Variants in RCL1 observed in about 807,000 individuals in gnomAD.
The protein encoded by RCL1 is RNA terminal phosphate cyclase like 1.
Under a neutral mutation model 42.4 loss-of-function variants are expected in RCL1, and 24 were observed. The observed-to-expected ratio is 0.57, with a 90% CI of 0.41 to 0.80. The LOEUF (loss-of-function observed/expected upper bound fraction) is 0.80, where lower values mean the gene tolerates loss of function less well. Ranked by LOEUF, RCL1 falls within the 30% of genes least tolerant of loss-of-function variation. The pLI is 0.00. For missense variants in RCL1, 578 were observed against 467.9 expected (o/e 1.24, Z -2.17); for synonymous variants, 228 against 177.3 (o/e 1.29, Z -2.27).
At chr9:4,832,805 CAA>C (rs34915834) in intron 3 of RCL1, among the ~76,000 whole-genome samples, 872 of 39,234 alleles carry the variant, frequency 0.022, 10 homozygotes, top group African/African-American at 0.082. Flanking sequence ...AGATTCCACT[CAA>C]AAAAAAAAAA....
chr9:4,793,457 G>T (rs527618731), intron 1 of RCL1, among the ~76,000 whole-genome samples: 2 of 152,258 alleles, frequency 1.3e-5, no homozygotes, highest in South Asian at 2.1e-4. Flanking sequence ...CGTCTCCGGG[G>T]CGCTGGTAGT....
At chr9:4,828,720 T>A (rs895155322) in intron 3 of RCL1, among the ~76,000 whole-genome samples, 1 of 152,194 alleles carries the variant, frequency 6.6e-6, no homozygotes, top group African/African-American at 2.4e-5. Context: ...TTTTTTTCTA[T>A]ACTTGCTAAT....
Position 4,849,534 on chromosome 9 carries a change from CCT to C in RCL1, c.963_964del (p.Pro322LeufsTer18). 1 of 1,609,928 alleles carries C rather than the reference CCT, an allele frequency of 6.2e-7. No homozygotes were observed. Among genetic ancestry groups the C allele is most frequent in the Non-Finnish European group, 8.5e-7 (1 of 1,176,940 alleles). ...GGATGTTTCCAAAGTCCTGCTAGGC[CCT>C]CTCTCTCCCTACACGTAAGTTATTC... ...QQDVSKVLLG[P>X]LSPYTIEFLR... is the part of the protein sequence containing the mutation. On this transcript the variant is annotated frameshift_variant, in exon 8 of 9. Coordinates refer to ENST00000381750, the MANE Select transcript of RCL1 (RefSeq NM_005772.5). LOFTEE classifies it high-confidence loss of function.
chr9:4,804,529 C>T (rs1158293030), intron 1 of RCL1: 2 of 152,414 alleles, frequency 1.3e-5, no homozygotes, highest in Non-Finnish European at 2.9e-5. Flanking sequence ...GTTCTGGGCG[C>T]GGGAGCCCTG....
At chr9:4,799,212 G>A (rs1055450147) in intron 1 of RCL1, among the ~76,000 whole-genome samples, 3 of 151,586 alleles carry the variant, frequency 2.0e-5, no homozygotes, top group African/African-American at 4.9e-5. Context: ...GGCGTCCAGT[G>A]AGCCTTCTGC....
intron 8 of RCL1, chr9:4,850,445 A>G (rs914710419): frequency 1.2e-5 from 4 of 327,542 alleles, no homozygotes; most frequent in African/African-American, 8.6e-5. Flanking sequence ...CGTTGGGGGC[A>G]TGAAAACCAG....
rs1818121468 is a variant in RCL1 at position 4,860,202 on chromosome 9, T to C, written c.1049T>C (p.Leu350Pro). Reference sequence around the variant, plus strand: ...GAAACCAAGCCATGTGGTGAAGAACTCAAGGGTGGGGATAAAGTGCTGATG... The same window carrying C: ...GAAACCAAGCCATGTGGTGAAGAACCCAAGGGTGGGGATAAAGTGCTGATG... ...KIETKPCGEE[L>P]KGGDKVLMTC... Residue 350 changes from leucine to proline, a missense_variant, in exon 9 of 9, where the codon CTC (leucine) becomes CCC (proline). Coordinates refer to ENST00000381750, the MANE Select transcript of RCL1 (RefSeq NM_005772.5). The C allele has an allele frequency of 6.2e-7, 1 of 1,613,126 alleles. No individual in the cohort carries two copies. The highest frequency in any genetic ancestry group is 1.3e-5 in the African/African-American group (1 of 74,924).
chr9:4,826,641 T>C (rs567432915), intron 2 of RCL1, among the ~76,000 whole-genome samples: 3 of 152,342 alleles, frequency 2.0e-5, no homozygotes, highest in African/African-American at 7.2e-5. Context: ...ACTTTATTAC[T>C]GATTATTAAA....
intron 1 of RCL1, among the ~76,000 whole-genome samples, chr9:4,802,448 G>A (rs7864610): frequency 0.029 from 4,341 of 152,140 alleles, 183 homozygotes; most frequent in African/African-American, 0.095. Flanking sequence ...GATAATTGTC[G>A]TCTTTATTAT....
intron 1 of RCL1, among the ~76,000 whole-genome samples, chr9:4,805,914 A>G (rs1240169891): frequency 1.3e-5 from 2 of 151,970 alleles, no homozygotes; most frequent in African/African-American, 4.8e-5. Flanking sequence ...TTTTGTTAGA[A>G]TTGTTTGTAA....
intron 7 of RCL1, among the ~76,000 whole-genome samples, 193 bp from the exon 8 acceptor site, chr9:4,849,254 A>C (rs1025596865): frequency 1.3e-5 from 2 of 151,846 alleles, no homozygotes; most frequent in Non-Finnish European, 2.9e-5. Context: ...CAGTTGCTCT[A>C]ATTAACTGTT....
chr9:4,857,931 C>CTTTTTTTTTTTTTTTTTT (rs34470773), intron 8 of RCL1, among the ~76,000 whole-genome samples: 2 of 103,046 alleles, frequency 1.9e-5, no homozygotes, highest in African/African-American at 7.8e-5. Flanking sequence ...AGCTCTCCCA[C>CTTTTTTTTTTTTTTTTTT]TTTTTTTTTT....
intron 3 of RCL1, among the ~76,000 whole-genome samples, chr9:4,827,761 C>CGG (rs1554639330): frequency 6.8e-6 from 1 of 147,558 alleles, no homozygotes; most frequent in Non-Finnish European, 1.5e-5. Context: ...TGTGTGCACG[C>CGG]GTGTGTGTGT....
At chr9:4,852,769 CT>C (rs34189601) in intron 8 of RCL1, among the ~76,000 whole-genome samples, 23 of 143,584 alleles carry the variant, frequency 1.6e-4, no homozygotes, top group Admixed American at 2.1e-4. Flanking sequence ...GGTCAGGTCA[CT>C]TTTTTTTTTT....
chr9:4,821,627 C>CT (rs1816598653), intron 1 of RCL1, among the ~76,000 whole-genome samples: 1 of 152,032 alleles, frequency 6.6e-6, no homozygotes, highest in African/African-American at 2.4e-5. Context: ...GCGAGAGTGA[C>CT]TGAGAGAGCT....
chr9:4,819,734 G>T (rs893394485), intron 1 of RCL1, among the ~76,000 whole-genome samples: 8 of 152,204 alleles, frequency 5.3e-5, no homozygotes, highest in African/African-American at 1.9e-4. Context: ...TTGAACCCGG[G>T]AGGCGGAGGT....
chr9:4,815,011 T>A (rs1816321700), intron 1 of RCL1, among the ~76,000 whole-genome samples: 2 of 152,180 alleles, frequency 1.3e-5, no homozygotes, highest in Non-Finnish European at 2.9e-5. Flanking sequence ...TGTATTAACT[T>A]GATGCCTTTT....
intron 1 of RCL1, among the ~76,000 whole-genome samples, chr9:4,813,286 AT>A (rs1816245407): frequency 6.6e-6 from 1 of 152,212 alleles, no homozygotes; most frequent in Admixed American, 6.5e-5. Context: ...CAATCTACCC[AT>A]CTGACAAAGG....
intron 1 of RCL1, among the ~76,000 whole-genome samples, chr9:4,794,028 T>C (rs1433424065): frequency 6.6e-6 from 1 of 152,236 alleles, no homozygotes; most frequent in Non-Finnish European, 1.5e-5. Flanking sequence ...CCTGGCCCCC[T>C]GGCATGAGAT....
Sources: gnomAD v4.1 joint callset for allele counts (sites outside exome capture counted in the v4.1 genomes callset) on GRCh38, gnomAD v4.1.1 for gene constraint, MANE v1.5 for transcripts, NCBI Gene and HGNC (gene_info 2026-07-23, HGNC 2026-07-21) for gene names.